Variants in SMOC1 observed in about 807,000 individuals in gnomAD.
SMOC1 encodes SPARC-related modular calcium-binding protein 1.
SMOC1 carries 22 observed loss-of-function variants against 56.3 expected under a neutral mutation model. That is an observed-to-expected ratio of 0.39 (90% CI 0.28 to 0.56). The LOEUF is 0.56. Ranked by LOEUF, SMOC1 falls within the 20% of genes least tolerant of loss-of-function variation. The probability of loss-of-function intolerance (pLI) is 0.61; values close to 1 mark genes in which losing one functional copy is unlikely to be tolerated. For missense variants in SMOC1, 509 were observed against 565.4 expected (o/e 0.90, Z 1.01); for synonymous variants, 193 against 215.0 (o/e 0.90, Z 0.89).
At position 69,989,826 on chromosome 14, in the gene SMOC1, T is replaced by A. The variant is rs1484934689; in HGVS notation, c.527-2591T>A. ...CTTGGACCTAGGCCTTGGACTTGTG[T>A]TTGGTAGAAGAGGTGCTCTTATTTG... On this transcript the variant is annotated intron_variant, in intron 5 of 11. Transcript: ENST00000361956. Among the ~76,000 whole-genome samples the A allele has an allele frequency of 2.0e-5, 3 of 152,142 alleles. No individual in the cohort carries two copies. The East Asian group carries it at 5.8e-4, about 29-fold the overall frequency.
intron 1 of SMOC1, among the ~76,000 whole-genome samples, chr14:69,912,213 T>C (rs1445766632): frequency 1.3e-5 from 2 of 152,222 alleles, no homozygotes; most frequent in Admixed American, 1.3e-4. Flanking sequence ...TTTTGACTGC[T>C]GTTAACAGAT....
rs149791510 is a variant in SMOC1 at position 69,926,651 on chromosome 14, A to G, written c.100-25487A>G. On this transcript the variant is annotated intron_variant, in intron 1 of 11. Coordinates refer to ENST00000361956, the MANE Select transcript of SMOC1 (RefSeq NM_001034852.3). ...CCAGCTCCTCTGACCAATCCTGTCAAATTGCTGCGAAACCACGTTCCTTCC... is the reference window on the plus strand; with the variant it reads ...CCAGCTCCTCTGACCAATCCTGTCAGATTGCTGCGAAACCACGTTCCTTCC... Among the ~76,000 whole-genome samples, 26 of 152,228 alleles carry G rather than the reference A, an allele frequency of 1.7e-4. No homozygotes were observed. In the East Asian group the frequency reaches 4.4e-3, roughly 26 times the overall value.
chr14:69,888,129 C>T (rs533379223), intron 1 of SMOC1, among the ~76,000 whole-genome samples: 1 of 152,166 alleles, frequency 6.6e-6, no homozygotes, highest in East Asian at 1.9e-4. Context: ...GGTTGAGTTG[C>T]GGATGAGAAA....
At chr14:69,887,118 TCA>T (rs920804396) in intron 1 of SMOC1, among the ~76,000 whole-genome samples, 8 of 152,150 alleles carry the variant, frequency 5.3e-5, no homozygotes, top group African/African-American at 1.7e-4. Flanking sequence ...TGTGATGAAT[TCA>T]CAGTGTAAAA....
chr14:69,881,992 C>T (rs190877217), intron 1 of SMOC1, among the ~76,000 whole-genome samples: 20 of 152,248 alleles, frequency 1.3e-4, no homozygotes, highest in African/African-American at 4.3e-4. Flanking sequence ...AGTGTTCATC[C>T]GAGTGATGCT....
chr14:69,914,865 T>TATTCATTCATTCATTC (rs10699853), intron 1 of SMOC1, among the ~76,000 whole-genome samples: 3,743 of 149,388 alleles, frequency 0.025, 67 homozygotes, highest in East Asian at 0.048. Context: ...TAATTTATTT[T>TATTCATTCATTCATTC]ATTCATTCAT....
intron 5 of SMOC1, among the ~76,000 whole-genome samples, chr14:69,986,819 G>A (rs1468481167): frequency 6.6e-6 from 1 of 152,172 alleles, no homozygotes; most frequent in Non-Finnish European, 1.5e-5. Flanking sequence ...CTTCTTTTGG[G>A]AGGGAACATG....
At chr14:69,893,902 TAAG>T (rs566256315) in intron 1 of SMOC1, among the ~76,000 whole-genome samples, 65 of 152,222 alleles carry the variant, frequency 4.3e-4, no homozygotes, top group Middle Eastern at 3.4e-3. Context: ...GGTGCCCGAA[TAAG>T]AAGAAGAGAT....
rs372206966 is a variant in SMOC1, at chr14:69,953,408, C to T, written c.266-12C>T. ...CAAGTGAAATATGAAATCTGCTCCT[C>T]TCCTCTTTCAGATGCTGGCCAGAGC... On this transcript the variant is annotated splice_polypyrimidine_tract_variant and intron_variant, in intron 2 of 11. Transcript: ENST00000361956. 8 of 1,612,994 alleles carry T rather than the reference C, an allele frequency of 5.0e-6. No individual in the cohort carries two copies. In the African/African-American group the frequency reaches 9.3e-5, roughly 19 times the overall value.
chr14:69,925,322 G>T (rs1179773187), intron 1 of SMOC1, among the ~76,000 whole-genome samples: 2 of 151,814 alleles, frequency 1.3e-5, no homozygotes, highest in African/African-American at 2.4e-5. Flanking sequence ...ACTCTCACAT[G>T]TGTGTCCATC....
intron 1 of SMOC1, among the ~76,000 whole-genome samples, chr14:69,926,219 A>C (rs1459704830): frequency 6.6e-6 from 1 of 152,236 alleles, no homozygotes; most frequent in African/African-American, 2.4e-5. Context: ...TTCTGAGGGC[A>C]GTGATGAAGT....
intron 1 of SMOC1, among the ~76,000 whole-genome samples, chr14:69,884,096 C>T (rs941799336): frequency 1.3e-4 from 20 of 151,074 alleles, no homozygotes; most frequent in Non-Finnish European, 2.5e-4. Context: ...TTAGTAGAGA[C>T]GGGGTTTCAC....
chr14:69,966,102 G>A (rs7153991), intron 3 of SMOC1, among the ~76,000 whole-genome samples: 6,531 of 152,242 alleles, frequency 0.043, 464 homozygotes, highest in African/African-American at 0.15. Flanking sequence ...ACCAGCCAGC[G>A]TTCTCACAGT....
chr14:69,919,310 A>G (rs1884769557), intron 1 of SMOC1, among the ~76,000 whole-genome samples: 1 of 152,180 alleles, frequency 6.6e-6, no homozygotes, highest in Admixed American at 6.5e-5. Flanking sequence ...GGCCGCTCTC[A>G]CAGCCCCTTT....
rs929636285 is a variant in SMOC1 at position 70,031,780 on chromosome 14, C to G, written c.*1522C>G. On this transcript the variant is annotated 3_prime_UTR_variant, in exon 12 of 12. Transcript: ENST00000361956. ...GAGCAGCAAGTGGCCCTTAGCGCCC[C>G]TTCCCATAAGCAGCTGTGGTGGCAG... 6 of 152,658 alleles carry G rather than the reference C, an allele frequency of 3.9e-5. No individual in the cohort carries two copies. The East Asian group carries it at 1.2e-3, about 29-fold the overall frequency. The allele number at this position is 152,658 out of a possible 1,614,324, so 9.5% of individuals were successfully genotyped here.
chr14:69,953,924 C>G (rs1226026655), intron 3 of SMOC1, among the ~76,000 whole-genome samples: 1 of 152,098 alleles, frequency 6.6e-6, no homozygotes, highest in Non-Finnish European at 1.5e-5. Context: ...TTTGCTACCC[C>G]CTGCCCTCCC....
chr14:70,005,037 A>T (rs1885102008), intron 7 of SMOC1, among the ~76,000 whole-genome samples: 1 of 152,228 alleles, frequency 6.6e-6, no homozygotes, highest in African/African-American at 2.4e-5. Flanking sequence ...GTTACCCAGG[A>T]TCTCAGCTTT....
chr14:69,899,621 G>T (rs1884189594), intron 1 of SMOC1, among the ~76,000 whole-genome samples: 1 of 152,180 alleles, frequency 6.6e-6, no homozygotes, highest in Admixed American at 6.5e-5. Flanking sequence ...TTATAGCAAT[G>T]TGAGAACGGA....
chr14:69,971,920 T>C (rs7148015), intron 3 of SMOC1, among the ~76,000 whole-genome samples: 3,629 of 152,330 alleles, frequency 0.024, 142 homozygotes, highest in African/African-American at 0.082. Context: ...TTTGTCCTCA[T>C]CAGATAATCT....
Sources: gnomAD v4.1 joint callset for allele counts (sites outside exome capture counted in the v4.1 genomes callset) on GRCh38, gnomAD v4.1.1 for gene constraint, MANE v1.5 for transcripts, NCBI Gene and HGNC (gene_info 2026-07-23, HGNC 2026-07-21) for gene names.